Variants in KCNT2 observed in about 807,000 individuals in gnomAD.
KCNT2 encodes the protein potassium channel subfamily T member 2.
In KCNT2, 67 loss-of-function variants were observed where a neutral mutation model predicts 153.8. That is an observed-to-expected ratio of 0.44 (90% confidence interval 0.36 to 0.53). The LOEUF (loss-of-function observed/expected upper bound fraction) is 0.53. Ranked by LOEUF, KCNT2 falls within the 20% of genes least tolerant of loss-of-function variation. KCNT2 has a pLI of 0.00. For synonymous variants in KCNT2, 500 were observed against 458.8 expected, an observed-to-expected ratio of 1.09 and a Z score of -1.15; for missense variants, 975 against 1,354.8, an observed-to-expected ratio of 0.72 and a Z score of 4.40.
chr1:196,365,740 T>C (rs1419025163), intron 14 of KCNT2, among the ~76,000 whole-genome samples: 2 of 152,230 alleles, frequency 1.3e-5, no homozygotes. Context: ...GACTTTTTCT[T>C]CTACTCCATC....
intron 22 of KCNT2, among the ~76,000 whole-genome samples, chr1:196,293,312 C>G (rs1660366633): frequency 6.6e-6 from 1 of 151,572 alleles, no homozygotes; most frequent in South Asian, 2.1e-4. Flanking sequence ...CTCAAACAGC[C>G]AAAGCAATCT....
chr1:196,499,574 T>C (rs1680510952), intron 1 of KCNT2, among the ~76,000 whole-genome samples: 1 of 152,226 alleles, frequency 6.6e-6, no homozygotes, highest in Admixed American at 6.5e-5. Flanking sequence ...GTAGGAGAGA[T>C]AAAATCATCT....
In KCNT2 at chr1:196,297,591, A is replaced by G. The variant is rs183403742; in HGVS notation, c.2595+7643T>C. 2.6e-5 allele frequency among the ~76,000 whole-genome samples: 4 copies of G among 152,322 alleles called. No individual in the cohort carries two copies. In the East Asian group the frequency reaches 7.7e-4, roughly 29 times the overall value. ...ATTGTATTTATAACTTTTCTAGAAT[A>G]GATTGAACAATGTTTTTCCTCATTT... On this transcript the variant is annotated intron_variant, in intron 22 of 27. Transcript: ENST00000294725.
intron 1 of KCNT2, among the ~76,000 whole-genome samples, chr1:196,573,926 T>C (rs1053971278): frequency 6.6e-6 from 1 of 151,908 alleles, no homozygotes; most frequent in Admixed American, 6.6e-5. Context: ...TATAATAGTG[T>C]CAGATACTTA....
chr1:196,566,994 T>A (rs1245729350), intron 1 of KCNT2, among the ~76,000 whole-genome samples: 6 of 152,118 alleles, frequency 3.9e-5, no homozygotes, highest in Admixed American at 1.3e-4. Flanking sequence ...TAAACTCAAA[T>A]ATGTACTAAA....
chr1:196,317,450 G>A (rs1277724796), intron 20 of KCNT2, among the ~76,000 whole-genome samples: 3 of 151,544 alleles, frequency 2.0e-5, no homozygotes, highest in Non-Finnish European at 4.4e-5. Flanking sequence ...AAAAGAAAGA[G>A]TTAGATGGAA....
At chr1:196,415,317 T>C (rs1011540829) in intron 12 of KCNT2, among the ~76,000 whole-genome samples, 4 of 151,838 alleles carry the variant, frequency 2.6e-5, no homozygotes, top group Non-Finnish European at 5.9e-5. Flanking sequence ...AACTGTTTAA[T>C]CAACCTCTGT....
intron 1 of KCNT2, among the ~76,000 whole-genome samples, chr1:196,530,099 A>G (rs1196861411): frequency 2.0e-5 from 3 of 152,008 alleles, no homozygotes; most frequent in African/African-American, 7.2e-5. Flanking sequence ...ATACATTTAG[A>G]AACACAATAA....
At chr1:196,562,454 AG>A (rs1659538854) in intron 1 of KCNT2, among the ~76,000 whole-genome samples, 1 of 151,946 alleles carries the variant, frequency 6.6e-6, no homozygotes, top group Admixed American at 6.6e-5. Flanking sequence ...CTCTTGGCCA[AG>A]AGGAGGGGTC....
intron 19 of KCNT2, 105 bp from the exon 20 acceptor site, chr1:196,319,660 A>G: frequency 1.8e-6 from 1 of 555,886 alleles, no homozygotes; most frequent in East Asian, 3.1e-5. Context: ...AAAACTCAAC[A>G]CTGCTGACAA....
intron 25 of KCNT2, among the ~76,000 whole-genome samples, chr1:196,259,186 T>C (rs1656782585): frequency 6.6e-6 from 1 of 152,264 alleles, no homozygotes; most frequent in Admixed American, 6.5e-5. Context: ...AAATATACTG[T>C]AGAATTACAA....
intron 22 of KCNT2, among the ~76,000 whole-genome samples, chr1:196,297,184 C>T (rs1001764281): frequency 7.3e-5 from 11 of 151,598 alleles, no homozygotes; most frequent in African/African-American, 2.4e-4. Flanking sequence ...AATTGTTGGA[C>T]TTCCTAAGAA....
rs182604505 is a variant in KCNT2 at position 196,528,930 on chromosome 1, G to A, written c.96-36589C>T. ...ATTGCCCCATGCCTTTCATGCTTAT[G>A]ATTATGCTATACATATTTAACTCCT... On this transcript the variant is annotated intron_variant, in intron 1 of 27. Transcript: ENST00000294725. Among the ~76,000 whole-genome samples the A allele has an allele frequency of 2.5e-3, 377 of 152,168 alleles. 2 individuals carry two copies. Among genetic ancestry groups the A allele is most frequent in the Middle Eastern group, 6.8e-3 (2 of 294 alleles).
intron 1 of KCNT2, among the ~76,000 whole-genome samples, chr1:196,603,811 T>C (rs933921204): frequency 6.6e-6 from 1 of 152,246 alleles, no homozygotes; most frequent in African/African-American, 2.4e-5. Flanking sequence ...TAGTTGGAAT[T>C]GTGACAATTT....
At chr1:196,430,420 TTC>T (rs1280739481) in intron 8 of KCNT2, among the ~76,000 whole-genome samples, 2 of 149,968 alleles carry the variant, frequency 1.3e-5, no homozygotes, top group Non-Finnish European at 3.0e-5. Context: ...CTCTCTCTCT[TTC>T]TCTCTCTCTT....
chr1:196,608,315 C>T lies in KCNT2; in HGVS notation c.-6G>A, dbSNP rs775788544. On this transcript the variant is annotated 5_prime_UTR_variant, in exon 1 of 28. Transcript: ENST00000294725. ...TCGCTCTCCAAATCAACCATCCTTC[C>T]TCAAAGAGTGGGAAACATCAAACAA... 6.2e-7 allele frequency: 1 copy of T among 1,609,544 alleles called. No homozygotes were observed. The highest frequency in any genetic ancestry group is 1.7e-5 in the Admixed American group (1 of 60,000).
At chr1:196,252,321 T>C (rs1341774052) in intron 26 of KCNT2, among the ~76,000 whole-genome samples, 2 of 151,758 alleles carry the variant, frequency 1.3e-5, no homozygotes, top group African/African-American at 4.8e-5. Context: ...CTGTTGCATC[T>C]ACTAAATTCT....
chr1:196,228,466 G>T (rs915156311), intron 27 of KCNT2, 131 bp from the exon 28 acceptor site: 1 of 565,562 alleles, frequency 1.8e-6, no homozygotes, highest in Non-Finnish European at 3.0e-6. Context: ...ATACAACATT[G>T]GTGGTAGAAC....
intron 1 of KCNT2, among the ~76,000 whole-genome samples, chr1:196,574,033 T>C (rs1258887495): frequency 1.3e-5 from 2 of 151,844 alleles, no homozygotes; most frequent in African/African-American, 4.8e-5. Flanking sequence ...AAAGGAACAA[T>C]ACAGTATAGT....
Sources: allele counts gnomAD v4.1 joint callset (sites outside exome capture counted in the v4.1 genomes callset), GRCh38; gene constraint gnomAD v4.1.1; transcripts MANE v1.5; gene names NCBI Gene and HGNC (gene_info 2026-07-23, HGNC 2026-07-21).